Variants in ELAVL2 observed in about 807,000 individuals in gnomAD.
The protein encoded by ELAVL2 is ELAV-like protein 2.
Under a neutral mutation model 34.6 loss-of-function variants are expected in ELAVL2, and 4 were observed. That is an observed-to-expected ratio of 0.12 (90% CI 0.06 to 0.26). The LOEUF (loss-of-function observed/expected upper bound fraction) is 0.26, where lower values mean the gene tolerates loss of function less well. ELAVL2 is among the 10% of genes least tolerant of loss of function. ELAVL2 has a pLI of 1.00. For missense variants in ELAVL2, 432 were observed against 442.8 expected (o/e 0.98, Z 0.22); for synonymous variants, 193 against 154.8 (o/e 1.25, Z -1.83).
chr9:23,702,049 T>G (rs969536092), intron 4 of ELAVL2, among the ~76,000 whole-genome samples: 2 of 152,172 alleles, frequency 1.3e-5, no homozygotes, highest in Non-Finnish European at 2.9e-5. Flanking sequence ...AAGAATTTGC[T>G]AAAAATGCTA....
At chr9:23,839,327 C>T in the ELAVL2 span, among the ~76,000 whole-genome samples, 3 of 151,786 alleles carry the variant, frequency 2.0e-5, no homozygotes, top group East Asian at 1.9e-4. Context: ...CATAAAGTGC[C>T]GCTGCCCTCA....
intron 1 of ELAVL2, chr9:23,783,464 C>A (rs1223392499): frequency 1.0e-6 from 1 of 985,266 alleles, no homozygotes; most frequent in Non-Finnish European, 1.2e-6. Context: ...AGTGGCCATG[C>A]ACTAACCTGA....
At chr9:23,756,628 A>G (rs1418007844) in intron 2 of ELAVL2, among the ~76,000 whole-genome samples, 1 of 152,178 alleles carries the variant, frequency 6.6e-6, no homozygotes, top group East Asian at 1.9e-4. Context: ...GACACAGCCT[A>G]GTGACGTAAA....
chr9:23,809,072 C>T (rs914250388), intron 1 of ELAVL2, among the ~76,000 whole-genome samples: 7 of 152,122 alleles, frequency 4.6e-5, no homozygotes, highest in African/African-American at 1.7e-4. Context: ...AGCTTTCACC[C>T]TCAACAATTA....
rs533352050 is a variant in ELAVL2, at chr9:23,766,688, C to G, written c.-15-4439G>C. 3.7e-4 allele frequency among the ~76,000 whole-genome samples: 57 copies of G among 152,106 alleles called. 1 individual carries two copies. Among genetic ancestry groups the G allele is most frequent in the Non-Finnish European group, 1.2e-4 (8 of 68,006 alleles). On this transcript the variant is annotated intron_variant, in intron 1 of 6. Transcript: ENST00000397312. The stretch of plus-strand genomic sequence containing the variant: ...TTCAAGCACCCCAGACAGTCTTCTC[C>G]GCTTGAGGCAGACACATACCTTTAT...
chr9:23,809,951 A>T (rs1282732173), intron 1 of ELAVL2, among the ~76,000 whole-genome samples: 3 of 152,184 alleles, frequency 2.0e-5, no homozygotes, highest in Non-Finnish European at 4.4e-5. Context: ...GATATCAAAC[A>T]TCCTATTGAA....
At chr9:23,801,732 T>G (rs1245475580) in intron 1 of ELAVL2, among the ~76,000 whole-genome samples, 1 of 152,224 alleles carries the variant, frequency 6.6e-6, no homozygotes, top group East Asian at 1.9e-4. Flanking sequence ...ATCAGCACAT[T>G]TGAAACTAGA....
rs749888375 is a variant in ELAVL2, at chr9:23,778,247, T to C, written c.-15-15998A>G. On this transcript the variant is annotated intron_variant, in intron 1 of 6. Coordinates refer to ENST00000397312, the MANE Select transcript of ELAVL2 (RefSeq NM_004432.5). ...AGGACAAAGGAAAAGTGGCAAGGGA[T>C]AGACAAAAACAAGCAGATTCTGTAA... Among the ~76,000 whole-genome samples, 8 of 152,066 alleles carry C rather than the reference T, an allele frequency of 5.3e-5. No individual in the cohort carries two copies. In the South Asian group the frequency reaches 6.2e-4, roughly 12 times the overall value.
At chr9:23,773,789 A>G (rs2057722356) in intron 1 of ELAVL2, among the ~76,000 whole-genome samples, 1 of 152,180 alleles carries the variant, frequency 6.6e-6, no homozygotes, top group South Asian at 2.1e-4. Flanking sequence ...TAAAAGCTTT[A>G]ATTACATATA....
intron 1 of ELAVL2, among the ~76,000 whole-genome samples, chr9:23,812,654 T>G (rs765391844): frequency 5.9e-5 from 9 of 151,764 alleles, no homozygotes; most frequent in Non-Finnish European, 4.4e-5. Context: ...AAAAATAAGT[T>G]CCAAATGTAC....
chr9:23,754,420 C>T (rs1314675674), intron 2 of ELAVL2, among the ~76,000 whole-genome samples: 2 of 151,936 alleles, frequency 1.3e-5, no homozygotes, highest in South Asian at 2.1e-4. Flanking sequence ...ATTTGCCACC[C>T]CAAAATATTC....
At chr9:23,817,248 A>T (rs981769392) in intron 1 of ELAVL2, among the ~76,000 whole-genome samples, 12 of 116,518 alleles carry the variant, frequency 1.0e-4, no homozygotes, top group South Asian at 2.9e-4. Context: ...AAGTTTATTT[A>T]AAAAAAAGAC....
intron 1 of ELAVL2, among the ~76,000 whole-genome samples, chr9:23,767,448 C>T (rs920120201): frequency 6.6e-6 from 1 of 152,070 alleles, no homozygotes; most frequent in Non-Finnish European, 1.5e-5. Flanking sequence ...ATTTTCAAAC[C>T]TCTTGCAGAC....
At chr9:23,713,471 A>G (rs968808858) in intron 3 of ELAVL2, among the ~76,000 whole-genome samples, 8 of 152,148 alleles carry the variant, frequency 5.3e-5, no homozygotes, top group Non-Finnish European at 7.4e-5. Context: ...TATTTCACTT[A>G]GCCTTTTCAG....
chr9:23,719,458 T>C (rs1007275544), intron 3 of ELAVL2, among the ~76,000 whole-genome samples: 5 of 152,312 alleles, frequency 3.3e-5, no homozygotes, highest in Admixed American at 6.5e-5. Flanking sequence ...CCCTCAGACA[T>C]TGCTTAATGA....
chr9:23,816,002 T>C (rs1294290492), intron 1 of ELAVL2, among the ~76,000 whole-genome samples: 2 of 152,142 alleles, frequency 1.3e-5, no homozygotes, highest in Non-Finnish European at 2.9e-5. Flanking sequence ...TTCTCACTAG[T>C]ATAAGAAGAC....
chr9:23,761,528 T>C (rs2055000833), intron 2 of ELAVL2, among the ~76,000 whole-genome samples: 1 of 151,608 alleles, frequency 6.6e-6, no homozygotes, highest in South Asian at 2.1e-4. Flanking sequence ...CTTGGTATTA[T>C]ATCAGTGAAA....
intron 2 of ELAVL2, among the ~76,000 whole-genome samples, chr9:23,738,961 T>C (rs576853194): frequency 6.6e-6 from 1 of 152,166 alleles, no homozygotes; most frequent in Non-Finnish European, 1.5e-5. Context: ...CCTGCTTAAG[T>C]TGGCGATACT....
rs7019366 is a variant in ELAVL2, at chr9:23,750,148, A to G, written c.229+11858T>C. ...TCCAAATATATTGTTTTCTATAAGC[A>G]TTCAGAGAACTAAAATATCAAATAG... is the stretch of plus-strand genomic sequence containing the variant. On this transcript the variant is annotated intron_variant, in intron 2 of 6. Transcript: ENST00000397312. Among the ~76,000 whole-genome samples, 470 of 152,264 alleles carry G rather than the reference A, an allele frequency of 3.1e-3. 3 individuals are homozygous for G. Among genetic ancestry groups the G allele is most frequent in the African/African-American group, 0.01 (421 of 41,570 alleles).
Sources: gnomAD v4.1 joint callset for allele counts (sites outside exome capture counted in the v4.1 genomes callset) on GRCh38, gnomAD v4.1.1 for gene constraint, MANE v1.5 for transcripts, NCBI Gene and HGNC (gene_info 2026-07-23, HGNC 2026-07-21) for gene names.